Variants in DCC observed in about 807,000 individuals in gnomAD.
The protein encoded by DCC is DCC netrin 1 receptor, also known as netrin receptor DCC.
DCC carries 58 observed loss-of-function variants against 172.5 expected under a neutral mutation model. The observed-to-expected ratio is 0.34, with a 90% CI of 0.27 to 0.42. DCC has a LOEUF of 0.42. Among genes scored for constraint, DCC ranks in the 10% least tolerant of loss-of-function variants. DCC has a pLI of 1.00. For synonymous variants in DCC, 709 were observed against 644.5 expected (o/e 1.10, Z -1.52); for missense variants, 1,740 against 1,791.0 (o/e 0.97, Z 0.51).
At chr18:52,451,903 C>T (rs977601828) in intron 1 of DCC, among the ~76,000 whole-genome samples, 1 of 152,106 alleles carries the variant, frequency 6.6e-6, no homozygotes, top group African/African-American at 2.4e-5. Context: ...TTAGTTTGAA[C>T]TTCTGCTTCT....
At chr18:53,090,110 G>A (rs935384878) in intron 7 of DCC, among the ~76,000 whole-genome samples, 1 of 152,106 alleles carries the variant, frequency 6.6e-6, no homozygotes, top group Non-Finnish European at 1.5e-5. Flanking sequence ...TTTTAGGAAA[G>A]TTATTTTCTA....
chr18:53,397,258 A>T (rs1396502927), intron 17 of DCC, 50 bp from the exon 18 acceptor site: 1 of 1,554,100 alleles, frequency 6.4e-7, no homozygotes, highest in Non-Finnish European at 8.9e-7. Context: ...TTGATTTACC[A>T]AGTTGATAGA....
At chr18:52,752,668 G>T (rs75931856) in intron 2 of DCC, among the ~76,000 whole-genome samples, 100 of 152,112 alleles carry the variant, frequency 6.6e-4, no homozygotes, top group African/African-American at 2.4e-3. Context: ...TATATACGTT[G>T]CTGTGCAATA....
intron 1 of DCC, among the ~76,000 whole-genome samples, chr18:52,655,205 T>C (rs960373752): frequency 2.6e-5 from 4 of 152,262 alleles, no homozygotes; most frequent in Admixed American, 6.5e-5. Context: ...ACAGTTGTTG[T>C]TGATGAACAA....
chr18:52,644,716 C>G (rs1202242248), intron 1 of DCC, among the ~76,000 whole-genome samples: 1 of 148,224 alleles, frequency 6.7e-6, no homozygotes, highest in Admixed American at 6.9e-5. Flanking sequence ...CATTGTACCA[C>G]TGTGTGACAG....
At chr18:53,345,209 C>A (rs1055444760) in intron 15 of DCC, among the ~76,000 whole-genome samples, 1 of 151,702 alleles carries the variant, frequency 6.6e-6, no homozygotes, top group Non-Finnish European at 1.5e-5. Flanking sequence ...TATATAAAAA[C>A]CATTATTAAC....
chr18:53,350,839 T>C (rs771217551), intron 15 of DCC, among the ~76,000 whole-genome samples: 7 of 151,942 alleles, frequency 4.6e-5, no homozygotes, highest in Non-Finnish European at 7.4e-5. Flanking sequence ...CAGTTTGATG[T>C]GAAAGACAAA....
intron 26 of DCC, among the ~76,000 whole-genome samples, chr18:53,495,900 C>T (rs1327392559): frequency 1.3e-5 from 2 of 152,074 alleles, no homozygotes; most frequent in African/African-American, 2.4e-5. Context: ...CAAGCTGGCT[C>T]TCTAGATTCC....
intron 26 of DCC, among the ~76,000 whole-genome samples, chr18:53,493,650 T>C (rs972499394): frequency 5.9e-5 from 9 of 152,298 alleles, no homozygotes; most frequent in Admixed American, 3.3e-4. Flanking sequence ...ATTTGATTCT[T>C]CTCTCTTTTC....
intron 7 of DCC, among the ~76,000 whole-genome samples, chr18:53,084,052 G>A (rs191969577): frequency 8.1e-4 from 123 of 152,282 alleles, no homozygotes; most frequent in African/African-American, 2.7e-3. Flanking sequence ...TTGAAACTGG[G>A]TAATTTATTT....
At chr18:52,482,622 T>G (rs150765280) in intron 1 of DCC, among the ~76,000 whole-genome samples, 150 of 152,242 alleles carry the variant, frequency 9.9e-4, no homozygotes, top group African/African-American at 3.3e-3. Flanking sequence ...TAATTCCATT[T>G]ATGAGGTTTC....
At chr18:53,141,211 C>G (rs1362540209) in intron 7 of DCC, among the ~76,000 whole-genome samples, 20 of 152,120 alleles carry the variant, frequency 1.3e-4, no homozygotes, top group Admixed American at 1.3e-3. Context: ...CTAGCGACCT[C>G]TGTTTCCTGT....
rs185610267 is a variant in DCC, at chr18:53,308,380, A to G, written c.2053+2661A>G. 5.3e-3 allele frequency among the ~76,000 whole-genome samples: 812 copies of G among 152,254 alleles called. 6 individuals carry two copies. The highest frequency in any genetic ancestry group is 0.023 in the Admixed American group (344 of 15,274). On this transcript the variant is annotated intron_variant, in intron 13 of 28. Coordinates refer to ENST00000442544, the MANE Select transcript of DCC (RefSeq NM_005215.4). ...GAATAATATATATCCCAAATTGTTG[A>G]CCGTGAATATTGCTTACTTTGTAAC...
At chr18:52,996,939 G>A (rs1024982394) in intron 5 of DCC, among the ~76,000 whole-genome samples, 5 of 151,918 alleles carry the variant, frequency 3.3e-5, no homozygotes, top group African/African-American at 1.2e-4. Flanking sequence ...AAGACACACA[G>A]CAATCAAGTA....
intron 1 of DCC, among the ~76,000 whole-genome samples, chr18:52,740,606 T>G (rs2036806621): frequency 6.6e-6 from 1 of 152,222 alleles, no homozygotes; most frequent in Non-Finnish European, 1.5e-5. Context: ...GTGGAATTAA[T>G]CCTTCGTATT....
chr18:53,108,968 CATTAG>C (rs1217460850), intron 7 of DCC, among the ~76,000 whole-genome samples: 5 of 150,652 alleles, frequency 3.3e-5, no homozygotes, highest in Non-Finnish European at 5.9e-5. Context: ...TTTTCAAACT[CATTAG>C]ATAATGTCCA....
At chr18:53,268,948 C>T in intron 12 of DCC, among the ~76,000 whole-genome samples, 1 of 152,130 alleles carries the variant, frequency 6.6e-6, no homozygotes, top group East Asian at 1.9e-4. Flanking sequence ...GTGTAGTCTC[C>T]AGGTCATTTA....
chr18:53,197,426 T>TG (rs1479785335), intron 9 of DCC, among the ~76,000 whole-genome samples: 2 of 150,028 alleles, frequency 1.3e-5, no homozygotes, highest in Non-Finnish European at 3.0e-5. Flanking sequence ...TTAGTTTTTT[T>TG]TTTTTTTTTT....
At position 53,416,114 on chromosome 18, in the gene DCC, TC is replaced by T; in HGVS notation, c.3131-5del. ...AAAGTCTAATAATGTTATTTCTTTT[TC>T]CCCCGCAGTGGAACACCCTGACAAA... On this transcript the variant is annotated splice_polypyrimidine_tract_variant and intron_variant, in intron 20 of 28. Coordinates refer to ENST00000442544, the MANE Select transcript of DCC (RefSeq NM_005215.4). 1 of 1,604,196 alleles carries T rather than the reference TC, an allele frequency of 6.2e-7. No homozygotes were observed.
Sources: gnomAD v4.1 joint callset for allele counts (sites outside exome capture counted in the v4.1 genomes callset) on GRCh38, gnomAD v4.1.1 for gene constraint, MANE v1.5 for transcripts, NCBI Gene and HGNC (gene_info 2026-07-23, HGNC 2026-07-21) for gene names.